Variants in RYR2 observed in about 807,000 individuals in gnomAD.
RYR2 encodes the protein cardiac muscle ryanodine receptor-calcium release channel.
A neutral mutation model predicts 601.1 loss-of-function variants in RYR2; 227 were observed. The observed-to-expected ratio is 0.38, with a 90% CI of 0.34 to 0.42. The LOEUF (loss-of-function observed/expected upper bound fraction) is 0.42. Ranked by LOEUF, RYR2 falls within the 10% of genes least tolerant of loss-of-function variation. The pLI is 1.00. For synonymous variants in RYR2, 2,223 were observed against 2,175.1 expected (o/e 1.02, Z -0.61); for missense variants, 4,646 against 6,156.5 (o/e 0.75, Z 8.21).
chr1:237,607,124 C>T (rs1452136691), intron 35 of RYR2, among the ~76,000 whole-genome samples: 3 of 152,132 alleles, frequency 2.0e-5, no homozygotes, highest in Non-Finnish European at 2.9e-5. Context: ...CACATGCACA[C>T]GTATGTTTAT....
At chr1:237,601,880 C>T (rs1253751575) in intron 34 of RYR2, 145 bp from the exon 35 acceptor site, 3 of 620,022 alleles carry the variant, frequency 4.8e-6, no homozygotes, top group Admixed American at 3.1e-5. Context: ...TACTCTAATT[C>T]TTGAAGGAGC....
chr1:237,373,184 C>G (rs914637316), intron 6 of RYR2, among the ~76,000 whole-genome samples: 23 of 152,156 alleles, frequency 1.5e-4, no homozygotes, highest in Admixed American at 1.4e-3. Flanking sequence ...AGGGGATTAT[C>G]GTGGGCTACC....
intron 16 of RYR2, among the ~76,000 whole-genome samples, chr1:237,464,789 T>G (rs912756877): frequency 3.3e-5 from 5 of 152,230 alleles, no homozygotes; most frequent in Non-Finnish European, 5.9e-5. Context: ...TTCTACATTG[T>G]GGGCCTCTAT....
chr1:237,783,529 T>G (rs975304369), intron 89 of RYR2, 146 bp from the exon 90 acceptor site: 1 of 593,020 alleles, frequency 1.7e-6, no homozygotes, highest in African/African-American at 1.9e-5. Context: ...AACTATAGTT[T>G]ATAAATAATT....
chr1:237,358,301 C>T (rs1370485537), intron 4 of RYR2, among the ~76,000 whole-genome samples: 7 of 152,074 alleles, frequency 4.6e-5, no homozygotes, highest in East Asian at 1.9e-4. Flanking sequence ...TGTCAGGAAT[C>T]GAGCTGGAGG....
rs1689586135 is a variant in RYR2, at chr1:237,270,634, A to G, written c.168+18A>G. On this transcript the variant is annotated intron_variant, in intron 2 of 104. Transcript: ENST00000366574. ...ATTCCAAGGTGGGATGAAGTCTTTC[A>G]AGGCTATTCAAATATGCAAGTTTTA... is the stretch of plus-strand genomic sequence containing the variant. The G allele has an allele frequency of 6.4e-7, 1 of 1,560,628 alleles. No individual in the cohort carries two copies. The highest frequency in any genetic ancestry group is 2.4e-5 in the East Asian group (1 of 42,130).
chr1:237,732,023 T>G (rs1259684338), intron 77 of RYR2, 23 bp from the exon 78 acceptor site: 1 of 1,503,172 alleles, frequency 6.7e-7, no homozygotes, highest in African/African-American at 1.4e-5. Context: ...ATGTGACATT[T>G]TATAAATTTG....
intron 38 of RYR2, among the ~76,000 whole-genome samples, chr1:237,618,892 C>CAAG (rs1678781502): frequency 1.3e-5 from 2 of 152,276 alleles, no homozygotes; most frequent in South Asian, 4.1e-4. Flanking sequence ...TCTTACCTTT[C>CAAG]TAGCAAGGTT....
chr1:237,237,486 C>A (rs1044613694), intron 1 of RYR2, among the ~76,000 whole-genome samples: 25 of 152,180 alleles, frequency 1.6e-4, no homozygotes, highest in African/African-American at 6.0e-4. Context: ...TTACACTCTC[C>A]TCCCTTTGGA....
intron 14 of RYR2, among the ~76,000 whole-genome samples, chr1:237,450,500 C>A (rs1052766943): frequency 6.6e-6 from 1 of 151,372 alleles, no homozygotes. Context: ...TGAAAGTTTT[C>A]GTGTTTGTTT....
At chr1:237,661,712 A>G (rs1002422262) in intron 56 of RYR2, among the ~76,000 whole-genome samples, 5 of 152,164 alleles carry the variant, frequency 3.3e-5, no homozygotes, top group Non-Finnish European at 7.3e-5. Context: ...CTGTCTGCAG[A>G]GGGAAGGTAT....
chr1:237,471,228 T>A (rs572661511), intron 17 of RYR2: 2 of 152,998 alleles, frequency 1.3e-5, no homozygotes, highest in East Asian at 3.9e-4. Context: ...CTTTTCCTAT[T>A]GGCACAACTG....
chr1:237,651,454 G>A lies in RYR2; in HGVS notation c.7777G>A (p.Val2593Ile). ...SMMQHLLRRL[V>I]FDVPLLNEHA... Reference sequence around the variant, plus strand: ...GATGCAGCACTTACTCAGAAGATTAGTATTTGATGTTCCATTATTAAATGA... The same window carrying A: ...GATGCAGCACTTACTCAGAAGATTAATATTTGATGTTCCATTATTAAATGA... The change falls in exon 51 of 105, where the codon GTA becomes ATA. Residue 2593 changes from valine (V) to isoleucine (I), a missense_variant. By Grantham distance (29) the Val-to-Ile change is conservative. Transcript: ENST00000366574. The A allele has an allele frequency of 6.3e-7, 1 of 1,594,404 alleles. No homozygotes were observed. The highest frequency in any genetic ancestry group is 8.6e-7 in the Non-Finnish European group (1 of 1,169,432).
chr1:237,706,595 G>A (rs1247429214), intron 67 of RYR2, among the ~76,000 whole-genome samples: 1 of 152,108 alleles, frequency 6.6e-6, no homozygotes, highest in Non-Finnish European at 1.5e-5. Context: ...AGCCGTGAGT[G>A]GGGGACTTCA....
intron 101 of RYR2, among the ~76,000 whole-genome samples, chr1:237,826,067 G>A (rs762997874): frequency 3.3e-5 from 5 of 152,142 alleles, no homozygotes; most frequent in Non-Finnish European, 5.9e-5. Context: ...AGTGTTTGTG[G>A]GAGTGTAAAT....
chr1:237,168,220 G>T (rs889444039), intron 1 of RYR2, among the ~76,000 whole-genome samples: 2 of 151,958 alleles, frequency 1.3e-5, no homozygotes, highest in African/African-American at 2.4e-5. Context: ...TTCCATGTCA[G>T]TGTCCTTCTT....
chr1:237,093,051 C>T (rs985551318), intron 1 of RYR2, among the ~76,000 whole-genome samples: 37 of 152,080 alleles, frequency 2.4e-4, no homozygotes, highest in African/African-American at 8.5e-4. Flanking sequence ...TCTGTGCCAT[C>T]CAGTACCACT....
chr1:237,369,366 C>T (rs1700459344), intron 5 of RYR2, among the ~76,000 whole-genome samples, 168 bp from the exon 6 acceptor site: 1 of 152,194 alleles, frequency 6.6e-6, no homozygotes, highest in Non-Finnish European at 1.5e-5. Flanking sequence ...ATTAACTTTA[C>T]TCCAATGTAT....
Position 237,643,383 on chromosome 1 carries a change from C to T in RYR2, c.7278C>T (p.Leu2426=), listed in dbSNP as rs1681775094. Residue 2426 remains leucine (L), a synonymous_variant, in exon 48 of 105, where the codon CTC becomes CTT. Transcript: ENST00000366574. ...AIRIRSILRS[L]IPLGDLVGVI... ...GAATTAGGTCCATTTTGAGATCCCTCATTCCCCTGGGAGATTTGGTGGGCG... is the reference window on the plus strand; with the variant it reads ...GAATTAGGTCCATTTTGAGATCCCTTATTCCCCTGGGAGATTTGGTGGGCG... 7 of 1,613,876 alleles carry T rather than the reference C, an allele frequency of 4.3e-6. No individual in the cohort carries two copies. The highest frequency in any genetic ancestry group is 3.4e-6 in the Non-Finnish European group (4 of 1,179,812).
Sources: allele counts gnomAD v4.1 joint callset (sites outside exome capture counted in the v4.1 genomes callset), GRCh38; gene constraint gnomAD v4.1.1; transcripts MANE v1.5; gene names NCBI Gene and HGNC (gene_info 2026-07-23, HGNC 2026-07-21).